Variants in TOPAZ1 observed in about 807,000 individuals in gnomAD.
The protein encoded by TOPAZ1 is protein TOPAZ1.
In TOPAZ1, 66 loss-of-function variants were observed where a neutral mutation model predicts 172.2. That is an observed-to-expected ratio of 0.38 (90% CI 0.31 to 0.47). TOPAZ1 has a LOEUF of 0.47. Ranked by LOEUF, TOPAZ1 falls within the 20% of genes least tolerant of loss-of-function variation. The probability of loss-of-function intolerance (pLI) is 0.99; values close to 1 mark genes in which losing one functional copy is unlikely to be tolerated. For synonymous variants in TOPAZ1, 681 were observed against 683.9 expected (o/e 1.00, Z 0.07); for missense variants, 1,822 against 1,972.4 (o/e 0.92, Z 1.44).
In TOPAZ1 at chr3:44,243,149, TCAC is replaced by T; in HGVS notation, c.645_647del (p.Pro216del). On this transcript the variant is annotated inframe_deletion, in exon 2 of 20. Transcript: ENST00000309765. ...TCCAAAATATTCTTGTAATATCTTG[TCAC>T]CTGAAGTAGAAAATAATTCCGTTTT... 6.5e-7 allele frequency: 1 copy of T among 1,549,656 alleles called. No homozygotes were observed. Among genetic ancestry groups the T allele is most frequent in the Non-Finnish European group, 8.7e-7 (1 of 1,145,956 alleles).
intron 12 of TOPAZ1, among the ~76,000 whole-genome samples, chr3:44,298,313 G>T (rs953790731): frequency 2.0e-5 from 3 of 151,960 alleles, no homozygotes; most frequent in African/African-American, 7.3e-5. Flanking sequence ...AAAATTAGCT[G>T]GGCATGATGT....
In TOPAZ1 at chr3:44,303,081, A is replaced by G. The variant is rs1575728732; in HGVS notation, c.3798-934A>G. Among the ~76,000 whole-genome samples, 3 of 152,162 alleles carry G rather than the reference A, an allele frequency of 2.0e-5. No homozygotes were observed. The South Asian group carries it at 6.2e-4, about 32-fold the overall frequency. On this transcript the variant is annotated intron_variant, in intron 12 of 19. Transcript: ENST00000309765. ...CTCCTGAGCTCAATGGATCTGCCCA[A>G]CTCGGCCTTCCAGAGTGCTGAAATT... is the stretch of plus-strand genomic sequence containing the variant.
At chr3:44,295,198 A>G (rs371262402) in intron 12 of TOPAZ1, among the ~76,000 whole-genome samples, 174 of 152,294 alleles carry the variant, frequency 1.1e-3, no homozygotes, top group African/African-American at 4.0e-3. Context: ...AGCAATCCCA[A>G]TTCTACAAAT....
intron 3 of TOPAZ1, 148 bp from the exon 4 acceptor site, chr3:44,256,003 G>A (rs1474497897): frequency 6.2e-6 from 3 of 481,290 alleles, no homozygotes; most frequent in South Asian, 5.0e-5. Context: ...AGGAATTATT[G>A]TATAATTCGC....
intron 16 of TOPAZ1, among the ~76,000 whole-genome samples, chr3:44,313,556 G>A (rs990665443): frequency 2.0e-5 from 3 of 149,878 alleles, no homozygotes; most frequent in African/African-American, 7.4e-5. Context: ...GGCGGAGCTT[G>A]CAGTGAGCCA....
intron 18 of TOPAZ1, among the ~76,000 whole-genome samples, chr3:44,325,910 T>C (rs1700596447): frequency 6.6e-6 from 1 of 152,216 alleles, no homozygotes; most frequent in Admixed American, 6.5e-5. Flanking sequence ...CCCAAAATGC[T>C]GCGATTACAT....
intron 12 of TOPAZ1, among the ~76,000 whole-genome samples, chr3:44,302,652 G>T (rs1700285856): frequency 1.3e-5 from 2 of 152,008 alleles, no homozygotes; most frequent in Admixed American, 6.6e-5. Context: ...TGTTTTCCTG[G>T]ATCTTCTTGG....
chr3:44,244,163 A>C lies in TOPAZ1; in HGVS notation c.1657A>C (p.Thr553Pro), dbSNP rs1455930657. 1.8e-5 allele frequency: 28 copies of C among 1,551,254 alleles called. No individual in the cohort carries two copies. The highest frequency in any genetic ancestry group is 2.4e-5 in the Non-Finnish European group (28 of 1,146,738). ...CAAATTATTATTACAAAGTTCCTTA[A>C]CAGAAACAAACACTGAATCTTCAAG... is the stretch of plus-strand genomic sequence containing the variant. ...DSKLLLQSSL[T>P]ETNTESSSKE... Residue 553 changes from threonine (T) to proline (P), a missense_variant, in exon 2 of 20, where the codon ACA (threonine) becomes CCA (proline). Thr to Pro is a conservative substitution (Grantham distance 38). Around this residue, in one of 2 missense-constraint regions of TOPAZ1, gnomAD observed 1,489 missense variants for 1,490.8 expected, o/e 1.00. Coordinates refer to ENST00000309765, the MANE Select transcript of TOPAZ1 (RefSeq NM_001145030.2).
chr3:44,254,958 T>C lies in TOPAZ1; in HGVS notation c.2766-10T>C, dbSNP rs1230932201. 1.3e-6 allele frequency: 2 copies of C among 1,545,074 alleles called. No homozygotes were observed. Among genetic ancestry groups the C allele is most frequent in the East Asian group, 2.4e-5 (1 of 40,854 alleles). On this transcript the variant is annotated splice_polypyrimidine_tract_variant and intron_variant, in intron 2 of 19. Transcript: ENST00000309765. Reference sequence around the variant, plus strand: ...ATTATAATGTTTAAGCTCTGTTTGCTTTATAATAGAGAACTTCCTGTACTG... The same window carrying C: ...ATTATAATGTTTAAGCTCTGTTTGCCTTATAATAGAGAACTTCCTGTACTG...
intron 18 of TOPAZ1, among the ~76,000 whole-genome samples, chr3:44,325,835 G>T (rs761892737): frequency 8.6e-5 from 13 of 152,044 alleles, no homozygotes; most frequent in South Asian, 2.1e-4. Flanking sequence ...TAGAGATGGG[G>T]TTTCACCATG....
In TOPAZ1 at chr3:44,270,817, C is replaced by T. The variant is rs1699887770; in HGVS notation, c.3372+7C>T. Reference sequence around the variant, plus strand: ...TGAACAAGGGGATGAAAAGGTAAAACATATAAAGTCTTTAAAGTAGAGATT... The same window carrying T: ...TGAACAAGGGGATGAAAAGGTAAAATATATAAAGTCTTTAAAGTAGAGATT... On this transcript the variant is annotated splice_region_variant and intron_variant, in intron 8 of 19. Transcript: ENST00000309765. 6.5e-7 allele frequency: 1 copy of T among 1,537,194 alleles called. No individual in the cohort carries two copies. Among genetic ancestry groups the T allele is most frequent in the East Asian group, 2.5e-5 (1 of 40,692 alleles).
chr3:44,305,857 G>A (rs576248726), intron 14 of TOPAZ1, among the ~76,000 whole-genome samples: 7 of 152,218 alleles, frequency 4.6e-5, no homozygotes, highest in Non-Finnish European at 8.8e-5. Flanking sequence ...TGGTGTTTTA[G>A]TATCAAACGT....
rs1699720037 is a variant in TOPAZ1 at position 44,257,355 on chromosome 3, GTGTGTGTGT to G, written c.2955+1078_2955+1086del. On this transcript the variant is annotated intron_variant, in intron 4 of 19. Coordinates refer to ENST00000309765, the MANE Select transcript of TOPAZ1 (RefSeq NM_001145030.2). ...GTCTCAAAAAAGAAAACATAGGGGT[GTGTGTGTGT>G]GTGTGTGTGTGTGTGTGTGTGTGTG... Among the ~76,000 whole-genome samples, 181 of 29,648 alleles carry G rather than the reference GTGTGTGTGT, an allele frequency of 6.1e-3. 1 individual carries two copies. The highest frequency in any genetic ancestry group is 0.023 in the African/African-American group (169 of 7,308). The allele number at this position is 29,648 out of a possible 152,430, so 19.5% of individuals were successfully genotyped here. A position where few individuals can be genotyped will look rare whatever the true frequency, so the allele number is the denominator to read the frequency against.
At chr3:44,268,363 A>ATTTT (rs1293339613) in intron 6 of TOPAZ1, among the ~76,000 whole-genome samples, 2 of 91,754 alleles carry the variant, frequency 2.2e-5, no homozygotes, top group Non-Finnish European at 4.4e-5. Context: ...TGTGGTGCCT[A>ATTTT]TTCTTTTTTT....
intron 8 of TOPAZ1, 129 bp from the exon 9 acceptor site, chr3:44,281,839 G>C (rs1169949493): frequency 4.5e-5 from 25 of 561,294 alleles, no homozygotes; most frequent in Non-Finnish European, 7.5e-5. Flanking sequence ...CCAAACATCA[G>C]CTTCTTTATT....
At position 44,242,141 on chromosome 3, in the gene TOPAZ1, C is replaced by T. The variant is rs1369914345; in HGVS notation, c.88C>T (p.Pro30Ser). The T allele has an allele frequency of 1.9e-6, 3 of 1,548,790 alleles. No homozygotes were observed. In the South Asian group the frequency reaches 3.6e-5, roughly 18 times the overall value. ...RNLQKRQAPG[P>S]GAAGGCGPEA... Reference sequence around the variant, plus strand: ...CCTGCAGAAGCGGCAGGCGCCAGGGCCAGGCGCGGCGGGAGGCTGTGGCCC... The same window carrying T: ...CCTGCAGAAGCGGCAGGCGCCAGGGTCAGGCGCGGCGGGAGGCTGTGGCCC... The change falls in exon 1 of 20, where the codon CCA (proline) becomes TCA (serine). Residue 30 changes from proline (P) to serine (S), a missense_variant. Transcript: ENST00000309765.
rs961868740 is a variant in TOPAZ1 at position 44,297,177 on chromosome 3, AAAAAG to A, written c.3797+6296_3797+6300del. ...CGAGTGAAAGTCTGTCTCAAAAAAA[AAAAAG>A]AAAAAAGAAAAGAAAATTACAAATT... On this transcript the variant is annotated intron_variant, in intron 12 of 19. Coordinates refer to ENST00000309765, the MANE Select transcript of TOPAZ1 (RefSeq NM_001145030.2). Among the ~76,000 whole-genome samples the A allele has an allele frequency of 2.1e-4, 32 of 151,720 alleles. No homozygotes were observed. The East Asian group carries it at 4.2e-3, about 20-fold the overall frequency.
At chr3:44,279,236 T>G (rs1260158596) in intron 8 of TOPAZ1, among the ~76,000 whole-genome samples, 1 of 152,158 alleles carries the variant, frequency 6.6e-6, no homozygotes, top group Non-Finnish European at 1.5e-5. Flanking sequence ...CGTTTTGTAT[T>G]CTAACATATG....
At chr3:44,284,577 C>G (rs1700058064) in intron 9 of TOPAZ1, among the ~76,000 whole-genome samples, 1 of 152,144 alleles carries the variant, frequency 6.6e-6, no homozygotes, top group Non-Finnish European at 1.5e-5. Context: ...TTGCCATGAA[C>G]TTTGACATAC....
Sources: allele counts gnomAD v4.1 joint callset (sites outside exome capture counted in the v4.1 genomes callset), GRCh38; gene constraint gnomAD v4.1.1; regional missense constraint gnomAD v4.1.1; transcripts MANE v1.5; gene names NCBI Gene and HGNC (gene_info 2026-07-23, HGNC 2026-07-21).